SPATA9: variants seen among roughly 807,000 people sequenced by gnomAD.
SPATA9 encodes the protein spermatogenesis-associated protein 9.
A neutral mutation model predicts 25.5 loss-of-function variants in SPATA9; 27 were observed. That is an observed-to-expected ratio of 1.06 (90% CI 0.78 to 1.46). The LOEUF is 1.46. SPATA9 is among the 40% of genes most tolerant of loss of function. The pLI, the probability that SPATA9 is intolerant of heterozygous loss-of-function variation, is 0.00. For synonymous variants in SPATA9, 102 were observed against 105.7 expected (o/e 0.97, Z 0.21); for missense variants, 282 against 297.5 (o/e 0.95, Z 0.38).
At chr5:95,697,842 A>C (rs1754074388) in intron 1 of SPATA9, among the ~76,000 whole-genome samples, 1 of 148,792 alleles carries the variant, frequency 6.7e-6, no homozygotes, top group African/African-American at 2.6e-5. Context: ...TGTTTTTGTC[A>C]GTCATTCTTT....
chr5:95,693,340 G>C (rs1305012209), intron 1 of SPATA9, among the ~76,000 whole-genome samples: 2 of 152,060 alleles, frequency 1.3e-5, no homozygotes, highest in East Asian at 3.8e-4. Flanking sequence ...ATCAACTGTA[G>C]AATTAATAAA....
the SPATA9 span, among the ~76,000 whole-genome samples, chr5:95,726,788 C>T: frequency 1.3e-5 from 2 of 152,168 alleles, no homozygotes; most frequent in East Asian, 3.9e-4. Flanking sequence ...GAAACTGCAA[C>T]ATGTGGCAAT....
upstream of SPATA9, among the ~76,000 whole-genome samples, chr5:95,699,214 C>T (rs153914): frequency 0.041 from 6,294 of 152,298 alleles, 189 homozygotes; most frequent in Non-Finnish European, 0.065. Flanking sequence ...GAGTTCATAT[C>T]CTGGCTCTGC....
At chr5:95,652,375 C>A (rs1465298896), downstream of SPATA9, 1 of 1,542,964 alleles carries the variant, frequency 6.5e-7, no homozygotes, top group Non-Finnish European at 8.8e-7. Flanking sequence ...CCCAGTTTTT[C>A]TCTCTAGAAA....
the SPATA9 span, among the ~76,000 whole-genome samples, chr5:95,710,747 T>C: frequency 2.0e-5 from 3 of 152,218 alleles, no homozygotes; most frequent in African/African-American, 7.2e-5. Flanking sequence ...TTTCATTCTG[T>C]ACCTCTTGGA....
upstream of SPATA9, among the ~76,000 whole-genome samples, chr5:95,699,169 A>G (rs1278525276): frequency 6.6e-6 from 1 of 152,232 alleles, no homozygotes; most frequent in African/African-American, 2.4e-5. Context: ...ATTTAGGAGA[A>G]TGGTGTTTCA....
chr5:95,691,726 A>AG (rs1205763220), intron 1 of SPATA9, among the ~76,000 whole-genome samples: 5 of 152,176 alleles, frequency 3.3e-5, no homozygotes, highest in African/African-American at 1.2e-4. Context: ...AGAACTTCTA[A>AG]AACAGTTCTG....
intron 3 of SPATA9, among the ~76,000 whole-genome samples, chr5:95,666,178 T>A (rs914212308): frequency 6.6e-6 from 1 of 152,160 alleles, no homozygotes; most frequent in Non-Finnish European, 1.5e-5. Flanking sequence ...AACTTGCCCC[T>A]GGTAATATAG....
At chr5:95,698,387 C>T (rs1754091617) in intron 1 of SPATA9, among the ~76,000 whole-genome samples, 1 of 152,184 alleles carries the variant, frequency 6.6e-6, no homozygotes, top group African/African-American at 2.4e-5. Context: ...GTCTGAAATT[C>T]TCACAGCAGG....
upstream of SPATA9, among the ~76,000 whole-genome samples, chr5:95,703,343 T>C (rs1351828234): frequency 2.0e-5 from 3 of 152,110 alleles, no homozygotes; most frequent in South Asian, 4.1e-4. Context: ...TAAAAAATGG[T>C]TTATTTAGGG....
chr5:95,673,127 A>G (rs1752566111), intron 3 of SPATA9, among the ~76,000 whole-genome samples: 1 of 151,896 alleles, frequency 6.6e-6, no homozygotes, highest in Non-Finnish European at 1.5e-5. Context: ...CTCCATCTGT[A>G]TATCTTTTTG....
chr5:95,731,751 G>T, the SPATA9 span: 2 of 1,609,106 alleles, frequency 1.2e-6, no homozygotes, highest in African/African-American at 1.3e-5. Context: ...AGGGACAGGG[G>T]CTGGTGCCCA....
At chr5:95,652,315 C>T (rs1750387720), downstream of SPATA9, 1 of 1,550,880 alleles carries the variant, frequency 6.4e-7, no homozygotes, top group African/African-American at 1.4e-5. Flanking sequence ...TCTTCCTTAT[C>T]TACACTTCCT....
chr5:95,654,394 C>A, downstream of SPATA9: 1 of 1,409,882 alleles, frequency 7.1e-7, no homozygotes, highest in Non-Finnish European at 9.9e-7. Flanking sequence ...TTATTTTCAG[C>A]AAATTCAGCA....
the SPATA9 span, chr5:95,717,174 A>G: frequency 6.6e-6 from 1 of 152,220 alleles, no homozygotes; most frequent in East Asian, 1.9e-4. Context: ...GGACTCATCA[A>G]ATCAGCCGAA....
chr5:95,714,348 G>A, the SPATA9 span, among the ~76,000 whole-genome samples: 1 of 152,188 alleles, frequency 6.6e-6, no homozygotes, highest in African/African-American at 2.4e-5. Context: ...ATAGCAAGAG[G>A]AGAGAAAAGA....
chr5:95,705,943 C>A, the SPATA9 span, among the ~76,000 whole-genome samples: 40 of 152,256 alleles, frequency 2.6e-4, 1 homozygote, highest in South Asian at 8.1e-3. Context: ...CCTTACTTTT[C>A]TGTTTCTGTA....
chr5:95,708,280 G>A, the SPATA9 span, among the ~76,000 whole-genome samples: 9 of 152,116 alleles, frequency 5.9e-5, no homozygotes, highest in African/African-American at 2.2e-4. Context: ...TCAAAGGCCG[G>A]ATTGGCTTGC....
At chr5:95,676,853 A>G (rs1401233186) in intron 2 of SPATA9, among the ~76,000 whole-genome samples, 1 of 152,226 alleles carries the variant, frequency 6.6e-6, no homozygotes, top group African/African-American at 2.4e-5. Context: ...CTCTCAGTGT[A>G]AAAGCCAAAG....
Sources: gnomAD v4.1 joint callset for allele counts (sites outside exome capture counted in the v4.1 genomes callset) on GRCh38, gnomAD v4.1.1 for gene constraint, MANE v1.5 for transcripts, NCBI Gene and HGNC (gene_info 2026-07-23, HGNC 2026-07-21) for gene names.